The following FRY variants were observed in gnomAD, a reference collection of about 807,000 sequenced individuals.
The protein encoded by FRY is protein furry homolog.
In FRY, 128 loss-of-function variants were observed where a neutral mutation model predicts 348.4. The observed-to-expected ratio is 0.37, with a 90% confidence interval of 0.32 to 0.43. The LOEUF is 0.43. FRY is among the 20% of genes least tolerant of loss of function. The pLI, the probability that FRY is intolerant of heterozygous loss-of-function variation, is 1.00. For synonymous variants in FRY, 1,370 were observed against 1,374.7 expected (o/e 1.00, Z 0.08); for missense variants, 2,736 against 3,695.2 (o/e 0.74, Z 6.73).
intron 55 of FRY, among the ~76,000 whole-genome samples, chr13:32,274,471 G>A (rs1383158801): frequency 2.0e-5 from 3 of 151,264 alleles, no homozygotes; most frequent in African/African-American, 7.4e-5. Context: ...ACTTTGGGAG[G>A]CCGAGGCGGG....
intron 29 of FRY, among the ~76,000 whole-genome samples, chr13:32,195,665 A>G (rs1883633552): frequency 1.3e-5 from 2 of 152,230 alleles, no homozygotes; most frequent in African/African-American, 4.8e-5. Context: ...GGGAGCACAA[A>G]TAAGTGCTTA....
intron 58 of FRY, among the ~76,000 whole-genome samples, chr13:32,286,224 G>A (rs753961172): frequency 4.6e-5 from 7 of 152,208 alleles, no homozygotes; most frequent in Middle Eastern, 3.4e-3. Context: ...ACACTAAACC[G>A]ATGATAACTC....
chr13:32,175,548 T>G lies in FRY; in HGVS notation c.2337T>G (p.Asp779Glu). ...ALFIALGQPE[D>E]DDRPMIDVMD... ...GTAATCGCCTCCCCTTTGTACAGGA[T>G]GACGACAGGCCGATGATTGATGTCA... The change falls in exon 20 of 61, where the codon GAT (aspartate) becomes GAG (glutamate). Residue 779 changes from aspartate (D) to glutamate (E), a missense_variant and splice_region_variant. Transcript: ENST00000542859. The G allele has an allele frequency of 1.2e-6, 2 of 1,604,534 alleles. No homozygotes were observed.
At chr13:32,149,723 T>G in intron 13 of FRY, 25 bp from the exon 14 acceptor site, 3 of 1,350,214 alleles carry the variant, frequency 2.2e-6, no homozygotes, top group Non-Finnish European at 3.2e-6. Context: ...AACACTTTCA[T>G]TTTGTGTTCT....
At chr13:32,175,874 T>C (rs188217541) in intron 20 of FRY, among the ~76,000 whole-genome samples, 61 of 152,366 alleles carry the variant, frequency 4.0e-4, no homozygotes, top group African/African-American at 1.5e-3. Context: ...GTTTTAAGAA[T>C]TGCTCAGGAT....
At chr13:32,142,286 A>G (rs529274422) in intron 11 of FRY, among the ~76,000 whole-genome samples, 3 of 152,332 alleles carry the variant, frequency 2.0e-5, no homozygotes, top group African/African-American at 2.4e-5. Context: ...TAGCACTGTC[A>G]TTTATTAGCT....
Position 32,072,321 on chromosome 13 carries a change from G to A in FRY, c.71-6513G>A, listed in dbSNP as rs1874713042. Among the ~76,000 whole-genome samples, 3 of 151,944 alleles carry A rather than the reference G, an allele frequency of 2.0e-5. No homozygotes were observed. In the South Asian group the frequency reaches 6.2e-4, roughly 32 times the overall value. ...TCTTCCAATGCAAAAATTGTTTTTC[G>A]GTATTTTTTTTTACATGATATTCTT... On this transcript the variant is annotated intron_variant, in intron 1 of 60. Coordinates refer to ENST00000542859, the MANE Select transcript of FRY (RefSeq NM_023037.3).
At chr13:32,169,826 T>A (rs946445104) in intron 17 of FRY, among the ~76,000 whole-genome samples, 2 of 152,240 alleles carry the variant, frequency 1.3e-5, no homozygotes, top group African/African-American at 4.8e-5. Context: ...AAGCAGTATG[T>A]TAGCAGTAAT....
chr13:32,282,067 A>G (rs1301977635), intron 58 of FRY, among the ~76,000 whole-genome samples: 1 of 152,216 alleles, frequency 6.6e-6, no homozygotes, highest in East Asian at 1.9e-4. Context: ...GTAGGCCTTG[A>G]GGAGGAATGA....
intron 31 of FRY, among the ~76,000 whole-genome samples, chr13:32,208,540 C>G (rs1884490090): frequency 6.6e-6 from 1 of 152,220 alleles, no homozygotes. Flanking sequence ...GCCCTTCTAA[C>G]TCCAAGTCCC....
chr13:32,195,239 T>C (rs181930493), intron 29 of FRY, among the ~76,000 whole-genome samples: 5 of 148,224 alleles, frequency 3.4e-5, no homozygotes, highest in African/African-American at 1.2e-4. Context: ...AGTAGAGTTT[T>C]TATTATAGAT....
At chr13:32,031,948 CAT>C (rs760296260) in intron 1 of FRY, 83 bp downstream of exon 1, 19 of 797,000 alleles carry the variant, frequency 2.4e-5, no homozygotes, top group East Asian at 1.3e-4. Context: ...CAACTGGACA[CAT>C]ATGTTTGTGA....
chr13:32,244,718 GA>G (rs1886687722), intron 47 of FRY, among the ~76,000 whole-genome samples: 1 of 152,172 alleles, frequency 6.6e-6, no homozygotes, highest in South Asian at 2.1e-4. Context: ...GACAAAATGT[GA>G]ATAGTTGATG....
chr13:32,130,054 CT>C (rs746424659), intron 7 of FRY, among the ~76,000 whole-genome samples: 10,328 of 127,736 alleles, frequency 0.081, 401 homozygotes, highest in African/African-American at 0.12. Context: ...CTCCCCCAGC[CT>C]TTTTTTTTTT....
chr13:32,230,457 T>G (rs1885847578), intron 40 of FRY, among the ~76,000 whole-genome samples: 1 of 152,226 alleles, frequency 6.6e-6, no homozygotes, highest in African/African-American at 2.4e-5. Context: ...GCTAAGGTGA[T>G]AGCCTCTAGC....
rs761928892 is a variant in FRY at position 32,237,457 on chromosome 13, G to A, written c.5889G>A (p.Pro1963=). The change falls in exon 44 of 61, where the codon CCG becomes CCA. Residue 1963 remains proline (P), a synonymous_variant. Coordinates refer to ENST00000542859, the MANE Select transcript of FRY (RefSeq NM_023037.3). The surrounding 1 kb of genome is among the most constrained non-coding windows in gnomAD (Gnocchi z 6.3). ...RKSTGQLNMN[P]GTTSGNTATA... ...GCACAGGACAACTAAACATGAACCC[G>A]GGAACCACCAGCGGCAACACCGCAA... 6.2e-6 allele frequency: 10 copies of A among 1,614,022 alleles called. No individual in the cohort carries two copies. Among genetic ancestry groups the A allele is most frequent in the African/African-American group, 2.7e-5 (2 of 75,004 alleles).
chr13:32,169,388 G>A (rs1255255383), intron 17 of FRY, among the ~76,000 whole-genome samples: 1 of 152,156 alleles, frequency 6.6e-6, no homozygotes, highest in African/African-American at 2.4e-5. Flanking sequence ...TCTGTGCTCT[G>A]TGAAGTGCTA....
chr13:32,146,565 A>G (rs1041996412), intron 11 of FRY, among the ~76,000 whole-genome samples: 3 of 151,920 alleles, frequency 2.0e-5, no homozygotes, highest in Non-Finnish European at 4.4e-5. Flanking sequence ...TGAACTCCTG[A>G]CCTCGTAATC....
intron 31 of FRY, among the ~76,000 whole-genome samples, chr13:32,203,766 C>T (rs932917941): frequency 3.4e-4 from 51 of 152,040 alleles, no homozygotes; most frequent in African/African-American, 1.2e-3. Flanking sequence ...CCTAAGCTTA[C>T]GTAGCACTTT....
Sources: gnomAD v4.1 joint callset for allele counts (sites outside exome capture counted in the v4.1 genomes callset) on GRCh38, gnomAD v4.1.1 for gene constraint, Gnocchi (gnomAD v3.1) non-coding constraint, MANE v1.5 for transcripts, NCBI Gene and HGNC (gene_info 2026-07-23, HGNC 2026-07-21) for gene names.